The following AFAP1L2 variants were observed in gnomAD, a reference collection of about 807,000 sequenced individuals.
AFAP1L2 encodes the protein actin filament-associated protein 1-like 2.
A neutral mutation model predicts 99.3 loss-of-function variants in AFAP1L2; 46 were observed. The ratio of observed to expected loss-of-function variants is 0.46; its 90% CI spans 0.37 to 0.59. The LOEUF is 0.59. AFAP1L2 is among the 20% of genes least tolerant of loss of function. The pLI is 0.00. For missense variants in AFAP1L2, 959 were observed against 1,034.9 expected (o/e 0.93, Z 1.01); for synonymous variants, 397 against 419.1 (o/e 0.95, Z 0.64).
At chr10:114,330,176 G>A (rs2047020791) in intron 4 of AFAP1L2, among the ~76,000 whole-genome samples, 1 of 152,306 alleles carries the variant, frequency 6.6e-6, no homozygotes, top group South Asian at 2.1e-4. Context: ...CCACATGGTA[G>A]AGTCAGATCC....
At chr10:114,302,822 T>G (rs1409246113) in intron 11 of AFAP1L2, among the ~76,000 whole-genome samples, 4 of 152,060 alleles carry the variant, frequency 2.6e-5, no homozygotes, top group Admixed American at 1.3e-4. Flanking sequence ...CACCTGTTAA[T>G]TAATAGTTTT....
At position 114,310,332 on chromosome 10, in the gene AFAP1L2, TCCAGG is replaced by T. The variant is rs772655640; in HGVS notation, c.882+17_882+21del. Reference sequence around the variant, plus strand: ...AGAAAACATGGAAGGGGACTCTCCCTCCAGGCAGGGCAGAGGCTTACTTTCTGGCA... The same window carrying T: ...AGAAAACATGGAAGGGGACTCTCCCTCAGGGCAGAGGCTTACTTTCTGGCA... On this transcript the variant is annotated intron_variant, in intron 8 of 18. Transcript: ENST00000304129. 2 of 1,593,274 alleles carry T rather than the reference TCCAGG, an allele frequency of 1.3e-6. No homozygotes were observed. Among genetic ancestry groups the T allele is most frequent in the Non-Finnish European group, 1.7e-6 (2 of 1,173,376 alleles).
rs752489670 is a variant in AFAP1L2 at position 114,300,465 on chromosome 10, G to A, written c.1768C>T (p.Pro590Ser). Residue 590 changes from proline (P) to serine (S), a missense_variant, in exon 14 of 19, where the codon CCA becomes TCA. Pro to Ser is a moderately conservative substitution (Grantham distance 74). Around this residue, in one of 2 missense-constraint regions of AFAP1L2, gnomAD observed 576 missense variants for 562.1 expected, o/e 1.02. Transcript: ENST00000304129. Reference sequence around the variant, plus strand: ...TGTACCTGTTCTCCCAGGTTCTCTGGACACTTTATGCAGGGCTCATCTGGG... The same window carrying A: ...TGTACCTGTTCTCCCAGGTTCTCTGAACACTTTATGCAGGGCTCATCTGGG... ...PTPDEPCIKC[P>S]ENLGEQQLES... 4.3e-6 allele frequency: 7 copies of A among 1,613,582 alleles called. No individual in the cohort carries two copies. Among genetic ancestry groups the A allele is most frequent in the East Asian group, 4.5e-5 (2 of 44,860 alleles).
In AFAP1L2 at chr10:114,297,065, A is replaced by G. The variant is rs1348811161; in HGVS notation, c.2343T>C (p.Cys781=). ...GTGTGGTTGCAGAGTTGACTGGGGT[A>G]CAGTCTGGGGCAGAGGCAGGTGTGA... ...KAVTPASAPD[C]TPVNSATTLK... is the part of the protein sequence containing the mutation. Residue 781 remains cysteine (C), a synonymous_variant, in exon 18 of 19, where the codon TGT becomes TGC. Transcript: ENST00000304129. 1.9e-6 allele frequency: 3 copies of G among 1,614,138 alleles called. No individual in the cohort carries two copies. The Middle Eastern group carries it at 4.9e-4, about 266-fold the overall frequency.
At chr10:114,388,261 T>C (rs2056751349) in intron 1 of AFAP1L2, among the ~76,000 whole-genome samples, 1 of 151,822 alleles carries the variant, frequency 6.6e-6, no homozygotes. Flanking sequence ...TCCCTCTCAA[T>C]GACAAGCTCC....
intron 1 of AFAP1L2, among the ~76,000 whole-genome samples, chr10:114,364,624 A>G (rs925031116): frequency 3.9e-5 from 6 of 152,162 alleles, no homozygotes; most frequent in Non-Finnish European, 8.8e-5. Context: ...TCTTCACTTG[A>G]TTACATTTGC....
intron 6 of AFAP1L2, among the ~76,000 whole-genome samples, chr10:114,314,971 T>C (rs493236): frequency 0.22 from 33,068 of 151,822 alleles, 5,112 homozygotes; most frequent in African/African-American, 0.44. Flanking sequence ...TGAAACCCCG[T>C]CTCTACTAAA....
chr10:114,396,614 T>C (rs146108556), intron 1 of AFAP1L2, among the ~76,000 whole-genome samples: 10 of 152,306 alleles, frequency 6.6e-5, no homozygotes, highest in African/African-American at 2.4e-4. Context: ...GAAATAATTA[T>C]CCTGCAGACT....
At position 114,310,360 on chromosome 10, in the gene AFAP1L2, G is replaced by T; in HGVS notation, c.876C>A (p.Cys292Ter). The T allele has an allele frequency of 6.2e-7, 1 of 1,613,166 alleles. No individual in the cohort carries two copies. Among genetic ancestry groups the T allele is most frequent in the Non-Finnish European group, 8.5e-7 (1 of 1,179,652 alleles). The change falls in exon 8 of 19, where the codon TGC becomes TGA. Residue 292 changes from cysteine (C) to a stop codon, truncating the protein, a stop_gained. Coordinates refer to ENST00000304129, the MANE Select transcript of AFAP1L2 (RefSeq NM_001001936.3). LOFTEE classifies it high-confidence loss of function. The part of the protein sequence containing the change: ...QYTPDAQRFN[C>*]QKPDIAEKYL... ...AGGCAGGGCAGAGGCTTACTTTCTG[G>T]CAGTTAAAGCGCTGGGCATCCGGGG...
chr10:114,351,810 C>A (rs375208823), intron 1 of AFAP1L2, among the ~76,000 whole-genome samples: 1 of 152,172 alleles, frequency 6.6e-6, no homozygotes, highest in Non-Finnish European at 1.5e-5. Context: ...GGTTCTTGAT[C>A]TTGCAAGAAG....
At chr10:114,296,668 A>C in intron 18 of AFAP1L2, 1 of 302,308 alleles carries the variant, frequency 3.3e-6, no homozygotes, top group South Asian at 4.3e-5. Flanking sequence ...TTGAAAACTC[A>C]GTCATAATCT....
At chr10:114,404,681 C>T, upstream of AFAP1L2, 1 of 498,168 alleles carries the variant, frequency 2.0e-6, no homozygotes, top group South Asian at 8.3e-5. Context: ...GAACTCCGGC[C>T]CGCCGAGGCT....
intron 1 of AFAP1L2, among the ~76,000 whole-genome samples, chr10:114,370,118 C>T (rs1193935739): frequency 2.0e-5 from 3 of 152,184 alleles, no homozygotes; most frequent in Admixed American, 6.5e-5. Context: ...TTCCAAAATA[C>T]TCCAAATACT....
At chr10:114,332,943 A>T (rs1230971578) in intron 3 of AFAP1L2, among the ~76,000 whole-genome samples, 2 of 152,228 alleles carry the variant, frequency 1.3e-5, no homozygotes, top group Non-Finnish European at 2.9e-5. Context: ...CGAACATCTG[A>T]ATTATGACTT....
chr10:114,326,760 A>C (rs1217221012), intron 4 of AFAP1L2, among the ~76,000 whole-genome samples: 1 of 152,202 alleles, frequency 6.6e-6, no homozygotes, highest in Non-Finnish European at 1.5e-5. Context: ...GACTTGGCAT[A>C]AGAAGGGGAG....
chr10:114,308,495 A>G lies in AFAP1L2; in HGVS notation c.905T>C (p.Leu302Pro). ...CQKPDIAEKY[L>P]SASEYGSSVD... ...GGAGCTCCCATACTCTGAAGCCGAC[A>G]GGTACTTCTCAGCTATATCTGGCTA... Residue 302 changes from leucine (L) to proline (P), a missense_variant, in exon 9 of 19, where the codon CTG (leucine) becomes CCG (proline). Coordinates refer to ENST00000304129, the MANE Select transcript of AFAP1L2 (RefSeq NM_001001936.3). 1 of 1,614,206 alleles carries G rather than the reference A, an allele frequency of 6.2e-7. No homozygotes were observed. Among genetic ancestry groups the G allele is most frequent in the East Asian group, 2.2e-5 (1 of 44,880 alleles).
chr10:114,302,309 G>C, intron 12 of AFAP1L2, 30 bp downstream of exon 12: 1 of 1,614,008 alleles, frequency 6.2e-7, no homozygotes, highest in Non-Finnish European at 8.5e-7. Context: ...GAATAAGAGA[G>C]TGTACGGAGG....
chr10:114,362,201 C>A (rs985244602), intron 1 of AFAP1L2, among the ~76,000 whole-genome samples: 2 of 152,158 alleles, frequency 1.3e-5, no homozygotes, highest in Non-Finnish European at 2.9e-5. Context: ...AATTGCCAGA[C>A]ACAAAGCACT....
the AFAP1L2 span, among the ~76,000 whole-genome samples, chr10:114,288,618 G>A: frequency 1.3e-5 from 2 of 152,236 alleles, no homozygotes; most frequent in Admixed American, 6.5e-5. Flanking sequence ...AGCAGGAAGG[G>A]GGAGAGGGGA....
Sources: gnomAD v4.1 joint callset for allele counts (sites outside exome capture counted in the v4.1 genomes callset) on GRCh38, gnomAD v4.1.1 for gene constraint, gnomAD v4.1.1 regional missense constraint, MANE v1.5 for transcripts, NCBI Gene and HGNC (gene_info 2026-07-23, HGNC 2026-07-21) for gene names.